TMEFF2: variants seen among roughly 807,000 people sequenced by gnomAD.
The protein encoded by TMEFF2 is tomoregulin-2.
In TMEFF2, 28 loss-of-function variants were observed where a neutral mutation model predicts 53.8. The ratio of observed to expected loss-of-function variants is 0.52; its 90% CI spans 0.39 to 0.71. The LOEUF (loss-of-function observed/expected upper bound fraction) is 0.71, where lower values mean the gene tolerates loss of function less well. TMEFF2 is among the 30% of genes least tolerant of loss of function. TMEFF2 has a pLI of 0.00. For missense variants in TMEFF2, 353 were observed against 455.2 expected, an observed-to-expected ratio of 0.78 and a Z score of 2.04; for synonymous variants, 162 against 166.3, an observed-to-expected ratio of 0.97 and a Z score of 0.20.
chr2:192,139,269 T>G (rs1336240209), intron 4 of TMEFF2, among the ~76,000 whole-genome samples: 3 of 152,236 alleles, frequency 2.0e-5, no homozygotes, highest in African/African-American at 7.2e-5. Context: ...TAAATGAGAC[T>G]TTAAAAGTGA....
intron 4 of TMEFF2, among the ~76,000 whole-genome samples, chr2:192,129,807 T>A (rs914145070): frequency 1.3e-5 from 2 of 152,192 alleles, no homozygotes; most frequent in African/African-American, 4.8e-5. Context: ...CATAAAACAG[T>A]CCTTTAATTT....
At chr2:192,102,625 TC>T (rs1318787836) in intron 4 of TMEFF2, among the ~76,000 whole-genome samples, 59 of 88,228 alleles carry the variant, frequency 6.7e-4, no homozygotes, top group African/African-American at 2.4e-3. Context: ...CTTTTCTTGT[TC>T]TTTTTTTTTT....
In TMEFF2 at chr2:192,015,308, C is replaced by CTTTTTTTT. The variant is rs34696715; in HGVS notation, c.537-16108_537-16101dup. On this transcript the variant is annotated intron_variant, in intron 5 of 9. Transcript: ENST00000272771. Reference sequence around the variant, plus strand: ...GGCATTCTAGAGGCTATCACTGAAGCTTTTTTTTTTTTTTTTTTTTTTTTG... The same window carrying CTTTTTTTT: ...GGCATTCTAGAGGCTATCACTGAAGCTTTTTTTTTTTTTTTTTTTTTTTTTTTTTTTTG... Among the ~76,000 whole-genome samples, 26 of 76,272 alleles carry CTTTTTTTT rather than the reference C, an allele frequency of 3.4e-4. 1 individual carries two copies. Among genetic ancestry groups the CTTTTTTTT allele is most frequent in the South Asian group, 1.1e-3 (2 of 1,770 alleles). The allele number at this position is 76,272 out of a possible 152,430, so 50.0% of individuals were successfully genotyped here.
chr2:191,999,096 CCTGTTT>C lies in TMEFF2; in HGVS notation c.643_648del (p.Lys215_Gln216del). ...CCCAAAGACATGACTTCAATTTTCT[CCTGTTT>C]CTGACACGATGCTTCTTTGATTTGG... is the stretch of plus-strand genomic sequence containing the variant. On this transcript the variant is annotated inframe_deletion, in exon 6 of 10. Transcript: ENST00000272771. 2.5e-6 allele frequency: 4 copies of C among 1,610,420 alleles called. No homozygotes were observed. The highest frequency in any genetic ancestry group is 3.4e-6 in the Non-Finnish European group (4 of 1,177,414).
intron 4 of TMEFF2, among the ~76,000 whole-genome samples, chr2:192,105,577 G>T (rs1045101795): frequency 1.3e-5 from 2 of 151,860 alleles, no homozygotes; most frequent in Non-Finnish European, 2.9e-5. Context: ...TCACACTATG[G>T]TAAGTGGCAG....
chr2:192,165,404 A>G (rs1368395321), intron 4 of TMEFF2, among the ~76,000 whole-genome samples: 2 of 152,180 alleles, frequency 1.3e-5, no homozygotes, highest in African/African-American at 4.8e-5. Flanking sequence ...TACTTAACAT[A>G]TGGCTATAAA....
chr2:192,066,896 A>G (rs1688179883), intron 4 of TMEFF2, among the ~76,000 whole-genome samples: 1 of 151,920 alleles, frequency 6.6e-6, no homozygotes, highest in Admixed American at 6.6e-5. Flanking sequence ...ATTTATTTGA[A>G]TCATTTTATG....
chr2:192,066,666 C>A, intron 4 of TMEFF2, among the ~76,000 whole-genome samples: 1 of 151,490 alleles, frequency 6.6e-6, no homozygotes, highest in East Asian at 1.9e-4. Context: ...ATCATCTAAG[C>A]CTGAGTTACA....
intron 4 of TMEFF2, among the ~76,000 whole-genome samples, chr2:192,143,349 C>G (rs1163352901): frequency 6.6e-6 from 1 of 152,150 alleles, no homozygotes; most frequent in African/African-American, 2.4e-5. Flanking sequence ...AAATTTGACA[C>G]ACCAATTGCT....
At chr2:192,055,052 T>TA (rs1006755330) in intron 5 of TMEFF2, among the ~76,000 whole-genome samples, 14 of 151,840 alleles carry the variant, frequency 9.2e-5, no homozygotes, top group Admixed American at 2.6e-4. Context: ...TTAAAATTCT[T>TA]AAAAAAAAGA....
rs1177813888 is a variant in TMEFF2 at position 191,999,184 on chromosome 2, A to C, written c.561T>G (p.Ser187=). The change falls in exon 6 of 10, where the codon TCT becomes TCG. Residue 187 remains serine (S), a synonymous_variant. Coordinates refer to ENST00000272771, the MANE Select transcript of TMEFF2 (RefSeq NM_016192.4). ...CGCAGAGGGGATTGAAGTTGGTTTGAGAACAGTCAATATTACACACACACC... is the reference window on the plus strand; with the variant it reads ...CGCAGAGGGGATTGAAGTTGGTTTGCGAACAGTCAATATTACACACACACC... ...DVWCVCNIDC[S]QTNFNPLCAS... is the part of the protein sequence containing the mutation. The C allele has an allele frequency of 1.9e-6, 3 of 1,610,644 alleles. No individual in the cohort carries two copies. In the African/African-American group the frequency reaches 4.0e-5, roughly 22 times the overall value.
At chr2:191,951,034 G>A (rs965433381) in intron 9 of TMEFF2, among the ~76,000 whole-genome samples, 2 of 152,034 alleles carry the variant, frequency 1.3e-5, no homozygotes, top group Non-Finnish European at 2.9e-5. Context: ...CTTTGACTAT[G>A]CAAATGAGAA....
At chr2:192,124,234 T>C (rs1559136460) in intron 4 of TMEFF2, among the ~76,000 whole-genome samples, 1 of 152,240 alleles carries the variant, frequency 6.6e-6, no homozygotes, top group Non-Finnish European at 1.5e-5. Flanking sequence ...CAAAAATGAA[T>C]GTCTAGTCTG....
At chr2:192,187,837 T>A (rs1479569446) in intron 2 of TMEFF2, among the ~76,000 whole-genome samples, 1 of 152,252 alleles carries the variant, frequency 6.6e-6, no homozygotes, top group Non-Finnish European at 1.5e-5. Context: ...AATTCATTTT[T>A]GCTACAAATT....
chr2:192,048,540 A>G (rs1193150681), intron 5 of TMEFF2, among the ~76,000 whole-genome samples: 1 of 152,160 alleles, frequency 6.6e-6, no homozygotes, highest in African/African-American at 2.4e-5. Context: ...CCATTTTAAT[A>G]TAACCATCAA....
intron 5 of TMEFF2, among the ~76,000 whole-genome samples, chr2:192,046,057 A>G (rs1013733597): frequency 7.2e-5 from 11 of 152,164 alleles, no homozygotes; most frequent in African/African-American, 2.2e-4. Flanking sequence ...CTGCCATCCT[A>G]TAGCTGCTGG....
chr2:191,965,177 C>T (rs1330576692), intron 7 of TMEFF2, among the ~76,000 whole-genome samples: 1 of 152,128 alleles, frequency 6.6e-6, no homozygotes, highest in African/African-American at 2.4e-5. Flanking sequence ...TATGGAGTTT[C>T]ATATCTATAT....
intron 4 of TMEFF2, among the ~76,000 whole-genome samples, chr2:192,139,800 T>C (rs776098904): frequency 6.6e-6 from 1 of 152,170 alleles, no homozygotes; most frequent in African/African-American, 2.4e-5. Context: ...CCTTTAACTA[T>C]GATGGAGAAT....
intron 7 of TMEFF2, among the ~76,000 whole-genome samples, chr2:191,984,915 T>C (rs1252436776): frequency 6.6e-6 from 1 of 152,150 alleles, no homozygotes; most frequent in African/African-American, 2.4e-5. Context: ...CCTTATCATC[T>C]AATTTTTAAA....
Sources: gnomAD v4.1 joint callset for allele counts (sites outside exome capture counted in the v4.1 genomes callset) on GRCh38, gnomAD v4.1.1 for gene constraint, MANE v1.5 for transcripts, NCBI Gene and HGNC (gene_info 2026-07-23, HGNC 2026-07-21) for gene names.